CACNA1D: variants seen among roughly 807,000 people sequenced by gnomAD.
CACNA1D encodes the protein calcium voltage-gated channel subunit alpha1 D.
CACNA1D carries 55 observed loss-of-function variants against 257.1 expected under a neutral mutation model. The observed-to-expected ratio is 0.21, with a 90% CI of 0.17 to 0.27. The LOEUF (loss-of-function observed/expected upper bound fraction) is 0.27, where lower values mean the gene tolerates loss of function less well. Ranked by LOEUF, CACNA1D falls within the 10% of genes least tolerant of loss-of-function variation. The probability of loss-of-function intolerance (pLI) is 1.00; values close to 1 mark genes in which losing one functional copy is unlikely to be tolerated. For synonymous variants in CACNA1D, 980 were observed against 1,014.9 expected (o/e 0.97, Z 0.65); for missense variants, 1,876 against 2,784.0 (o/e 0.67, Z 7.34).
intron 3 of CACNA1D, among the ~76,000 whole-genome samples, chr3:53,510,336 G>A (rs1003284094): frequency 3.9e-5 from 6 of 152,124 alleles, no homozygotes; most frequent in Non-Finnish European, 8.8e-5. Context: ...GCATTCTATG[G>A]CTTCCTTTTT....
rs150366975 is a variant in CACNA1D, at chr3:53,808,736, G to A, written c.5837G>A (p.Arg1946His). ...CCGTCGTCTCCCATCTTCCCCCATC[G>A]CACGGCCCTGCCTCTGCATCTAATG... is the stretch of plus-strand genomic sequence containing the variant. ...EVPSSPIFPH[R>H]TALPLHLMQQ... Residue 1946 changes from arginine to histidine, a missense_variant, in exon 46 of 48, where the codon CGC becomes CAC. By Grantham distance (29) the Arg-to-His change is conservative (BLOSUM62 0). Around this residue, in one of 10 missense-constraint regions of CACNA1D, gnomAD observed 491 missense variants for 554.3 expected, o/e 0.89. Coordinates refer to ENST00000350061, the MANE Select transcript of CACNA1D (RefSeq NM_001128840.3). The A allele has an allele frequency of 3.7e-5, 60 of 1,608,088 alleles. No homozygotes were observed. Among genetic ancestry groups the A allele is most frequent in the Middle Eastern group, 1.6e-4 (1 of 6,084 alleles).
chr3:53,676,054 A>G (rs2094373074), intron 8 of CACNA1D, among the ~76,000 whole-genome samples: 1 of 152,198 alleles, frequency 6.6e-6, no homozygotes, highest in Admixed American at 6.5e-5. Flanking sequence ...GCTCTGGTCC[A>G]GAGGCGAGGG....
chr3:53,542,653 A>G (rs1187726430), intron 3 of CACNA1D, among the ~76,000 whole-genome samples: 2 of 152,134 alleles, frequency 1.3e-5, no homozygotes, highest in African/African-American at 4.8e-5. Flanking sequence ...GTTAGATGCA[A>G]GTTAGATATA....
intron 9 of CACNA1D, among the ~76,000 whole-genome samples, chr3:53,711,825 G>A (rs142475030): frequency 6.6e-6 from 1 of 152,236 alleles, no homozygotes; most frequent in East Asian, 1.9e-4. Flanking sequence ...TTGTCATTCA[G>A]CACGTTGTGG....
At chr3:53,706,441 AG>A (rs1190871957) in intron 9 of CACNA1D, among the ~76,000 whole-genome samples, 1 of 152,224 alleles carries the variant, frequency 6.6e-6, no homozygotes, top group Admixed American at 6.5e-5. Context: ...CTTTAGTATT[AG>A]GCAAATTACT....
At chr3:53,579,367 A>G (rs1459047515) in intron 3 of CACNA1D, among the ~76,000 whole-genome samples, 1 of 152,214 alleles carries the variant, frequency 6.6e-6, no homozygotes, top group African/African-American at 2.4e-5. Flanking sequence ...ATTTTGAAAC[A>G]TCTTCCTAAG....
At chr3:53,678,027 G>C (rs547440836) in intron 8 of CACNA1D, among the ~76,000 whole-genome samples, 2 of 152,308 alleles carry the variant, frequency 1.3e-5, no homozygotes, top group East Asian at 3.9e-4. Context: ...TCCTGGATTT[G>C]ATGCAAGAAA....
intron 14 of CACNA1D, 43 bp downstream of exon 14, chr3:53,724,042 C>T (rs1559574535): frequency 6.8e-7 from 1 of 1,460,786 alleles, no homozygotes; most frequent in Non-Finnish European, 9.6e-7. Flanking sequence ...TCGTGAGCAG[C>T]AGCTAAAACT....
chr3:53,663,887 T>C (rs1225312621), intron 5 of CACNA1D, among the ~76,000 whole-genome samples: 1 of 152,054 alleles, frequency 6.6e-6, no homozygotes, highest in Non-Finnish European at 1.5e-5. Context: ...CACCTCAGTC[T>C]CCCGAGTAGC....
chr3:53,508,712 T>A (rs2107213522), intron 3 of CACNA1D, among the ~76,000 whole-genome samples: 1 of 152,328 alleles, frequency 6.6e-6, no homozygotes, highest in South Asian at 2.1e-4. Flanking sequence ...TTTAACTGTC[T>A]GACAAATGTG....
rs779035140 is a variant in CACNA1D at position 53,753,549 on chromosome 3, G to A, written c.3676-23G>A. The A allele has an allele frequency of 1.7e-5, 24 of 1,452,450 alleles. No homozygotes were observed. In the South Asian group the frequency reaches 2.4e-4, roughly 14 times the overall value. The allele number at this position is 1,452,450 out of a possible 1,614,324, so 90.0% of individuals were successfully genotyped here. A position where few individuals can be genotyped will look rare whatever the true frequency, so the allele number is the denominator to read the frequency against. ...AGATCGTGGCTGAGGCTCTGAGAACGGTCCCTCTGTCTTCATCCATAGCAC... is the reference window on the plus strand; with the variant it reads ...AGATCGTGGCTGAGGCTCTGAGAACAGTCCCTCTGTCTTCATCCATAGCAC... On this transcript the variant is annotated intron_variant, in intron 28 of 47. Coordinates refer to ENST00000350061, the MANE Select transcript of CACNA1D (RefSeq NM_001128840.3).
At chr3:53,616,615 A>G (rs377211476) in intron 3 of CACNA1D, among the ~76,000 whole-genome samples, 3 of 152,288 alleles carry the variant, frequency 2.0e-5, no homozygotes, top group East Asian at 3.9e-4. Context: ...CCTAGGAGGA[A>G]ATGCACTATG....
intron 8 of CACNA1D, among the ~76,000 whole-genome samples, chr3:53,700,828 G>A (rs1345069852): frequency 6.6e-6 from 1 of 150,444 alleles, no homozygotes; most frequent in African/African-American, 2.5e-5. Context: ...AGCTATGAGA[G>A]GGATCCTTTC....
At chr3:53,676,467 A>G (rs1217839179) in intron 8 of CACNA1D, among the ~76,000 whole-genome samples, 2 of 152,214 alleles carry the variant, frequency 1.3e-5, no homozygotes, top group Non-Finnish European at 2.9e-5. Context: ...GAGGAAGACA[A>G]TTTGTGTTGC....
intron 40 of CACNA1D, among the ~76,000 whole-genome samples, chr3:53,798,648 A>G (rs2095520176): frequency 6.6e-6 from 1 of 152,176 alleles, no homozygotes; most frequent in Admixed American, 6.5e-5. Context: ...ACCTGGCACC[A>G]TTTTTAGCAG....
At chr3:53,519,208 C>G (rs750950710) in intron 3 of CACNA1D, among the ~76,000 whole-genome samples, 3 of 152,154 alleles carry the variant, frequency 2.0e-5, no homozygotes, top group Admixed American at 6.5e-5. Flanking sequence ...GGAACTGATG[C>G]AATCGTAGAA....
intron 3 of CACNA1D, among the ~76,000 whole-genome samples, chr3:53,573,906 G>A (rs1227250963): frequency 3.9e-5 from 6 of 152,088 alleles, no homozygotes; most frequent in Non-Finnish European, 8.8e-5. Flanking sequence ...GTATTGTTGT[G>A]TAACCATCAC....
intron 8 of CACNA1D, among the ~76,000 whole-genome samples, chr3:53,675,110 G>A (rs777648500): frequency 1.3e-5 from 2 of 152,274 alleles, no homozygotes; most frequent in African/African-American, 4.8e-5. Flanking sequence ...CACCAGGGAC[G>A]CATACTGTCA....
intron 3 of CACNA1D, among the ~76,000 whole-genome samples, chr3:53,591,809 GT>G (rs1226582699): frequency 1.3e-5 from 2 of 152,170 alleles, no homozygotes; most frequent in Non-Finnish European, 2.9e-5. Flanking sequence ...GAAATAACCA[GT>G]TGACCTGGTT....
Sources: allele counts gnomAD v4.1 joint callset (sites outside exome capture counted in the v4.1 genomes callset), GRCh38; gene constraint gnomAD v4.1.1; regional missense constraint gnomAD v4.1.1; transcripts MANE v1.5; gene names NCBI Gene and HGNC (gene_info 2026-07-23, HGNC 2026-07-21).